SCLT1: variants seen among roughly 807,000 people sequenced by gnomAD.
SCLT1 encodes sodium channel-associated protein 1.
A neutral mutation model predicts 112.8 loss-of-function variants in SCLT1; 78 were observed. The ratio of observed to expected loss-of-function variants is 0.69; its 90% CI spans 0.58 to 0.83. The LOEUF (loss-of-function observed/expected upper bound fraction) is 0.83, where lower values mean the gene tolerates loss of function less well. SCLT1 is among the 40% of genes least tolerant of loss of function. The pLI, the probability that SCLT1 is intolerant of heterozygous loss-of-function variation, is 0.00. For missense variants in SCLT1, 747 were observed against 770.4 expected, an observed-to-expected ratio of 0.97 and a Z score of 0.36; for synonymous variants, 257 against 254.7, an observed-to-expected ratio of 1.01 and a Z score of -0.09.
intron 9 of SCLT1, among the ~76,000 whole-genome samples, chr4:128,981,231 C>G (rs1243029659): frequency 6.6e-6 from 1 of 152,182 alleles, no homozygotes; most frequent in Non-Finnish European, 1.5e-5. Flanking sequence ...TCCAAACTCT[C>G]TTTGTCCATT....
intron 18 of SCLT1, among the ~76,000 whole-genome samples, chr4:128,904,034 A>C (rs955348191): frequency 1.3e-5 from 2 of 152,168 alleles, no homozygotes; most frequent in Non-Finnish European, 2.9e-5. Flanking sequence ...CATACCTATC[A>C]GAGATGATTT....
At chr4:128,994,344 C>T (rs1484782025) in intron 8 of SCLT1, among the ~76,000 whole-genome samples, 3 of 152,096 alleles carry the variant, frequency 2.0e-5, no homozygotes, top group Non-Finnish European at 4.4e-5. Flanking sequence ...TCACATATTG[C>T]ATAATTTCCT....
chr4:129,061,749 T>G (rs1749996780), intron 2 of SCLT1, among the ~76,000 whole-genome samples: 1 of 152,058 alleles, frequency 6.6e-6, no homozygotes, highest in Non-Finnish European at 1.5e-5. Flanking sequence ...AGCTCAGTCT[T>G]GAGATGCTGA....
chr4:128,904,138 C>T (rs1734519000), intron 18 of SCLT1, among the ~76,000 whole-genome samples: 1 of 152,078 alleles, frequency 6.6e-6, no homozygotes, highest in Admixed American at 6.5e-5. Context: ...TGAAATAAAA[C>T]TGTACCCAAT....
intron 18 of SCLT1, among the ~76,000 whole-genome samples, chr4:128,900,671 A>G (rs1315478437): frequency 6.6e-6 from 1 of 152,260 alleles, no homozygotes; most frequent in Non-Finnish European, 1.5e-5. Context: ...GCCAAAATTG[A>G]CAAATGGGAT....
chr4:128,911,712 G>A (rs1042100676), intron 18 of SCLT1, among the ~76,000 whole-genome samples: 2 of 152,168 alleles, frequency 1.3e-5, no homozygotes, highest in African/African-American at 4.8e-5. Context: ...AGGTATAGAA[G>A]TTTCCACGGG....
intron 5 of SCLT1, 64 bp from the exon 6 acceptor site, chr4:129,003,940 A>G (rs1040684284): frequency 1.4e-6 from 2 of 1,456,008 alleles, no homozygotes; most frequent in East Asian, 4.6e-5. Context: ...TACTGTTTCG[A>G]GGTCAATTAA....
At chr4:128,876,283 T>G (rs1237742081) in intron 4 of SCLT1, among the ~76,000 whole-genome samples, 1 of 152,140 alleles carries the variant, frequency 6.6e-6, no homozygotes, top group Non-Finnish European at 1.5e-5. Flanking sequence ...AGTGACTATT[T>G]ACTTCCATAT....
chr4:129,055,501 T>C (rs1480314656), intron 2 of SCLT1, among the ~76,000 whole-genome samples: 1 of 152,188 alleles, frequency 6.6e-6, no homozygotes, highest in Non-Finnish European at 1.5e-5. Context: ...TAGAGAGGCA[T>C]TCTGGCCACA....
At chr4:128,936,620 T>C in intron 18 of SCLT1, 35 bp downstream of exon 18, 2 of 1,342,710 alleles carry the variant, frequency 1.5e-6, no homozygotes, top group African/African-American at 1.5e-5. Context: ...GAATTTCTTC[T>C]GTAAAACATG....
chr4:128,919,440 A>G (rs929980531), intron 18 of SCLT1, among the ~76,000 whole-genome samples: 3 of 152,162 alleles, frequency 2.0e-5, no homozygotes, highest in African/African-American at 7.2e-5. Flanking sequence ...GCAGAAGTTT[A>G]TAGTGCTAAA....
chr4:128,991,244 A>G (rs1301529486), intron 9 of SCLT1, among the ~76,000 whole-genome samples: 1 of 151,806 alleles, frequency 6.6e-6, no homozygotes, highest in Non-Finnish European at 1.5e-5. Context: ...GATGAACTGA[A>G]CAGAGAACCC....
intron 9 of SCLT1, among the ~76,000 whole-genome samples, chr4:128,984,930 ATT>A (rs34721201): frequency 0.088 from 13,320 of 152,128 alleles, 739 homozygotes; most frequent in South Asian, 0.15. Flanking sequence ...TAAAATATAT[ATT>A]GTTATTACAA....
intron 2 of SCLT1, among the ~76,000 whole-genome samples, chr4:129,067,896 G>C (rs1055790309): frequency 2.0e-5 from 3 of 151,652 alleles, no homozygotes; most frequent in Non-Finnish European, 4.4e-5. Context: ...TGGTTACATG[G>C]GTAAGTTCTT....
chr4:128,924,374 T>C (rs1736130159), intron 18 of SCLT1, among the ~76,000 whole-genome samples: 1 of 152,106 alleles, frequency 6.6e-6, no homozygotes, highest in Non-Finnish European at 1.5e-5. Context: ...GCTCAAGCAA[T>C]TCTCGCTCTT....
Position 128,999,707 on chromosome 4 carries a change from C to T in SCLT1, c.514G>A (p.Ala172Thr). The change falls in exon 7 of 21, where the codon GCC (alanine) becomes ACC (threonine). Residue 172 changes from alanine to threonine, a missense_variant. Physicochemically the swap from Ala to Thr is moderately conservative, Grantham distance 58 (BLOSUM62 0). Around this residue, in one of 2 missense-constraint regions of SCLT1, gnomAD observed 723 missense variants for 721.3 expected, o/e 1.00. Coordinates refer to ENST00000281142, the MANE Select transcript of SCLT1 (RefSeq NM_144643.4). ...HKLYQEHMTE[A>T]QIHVFESQKQ... ...TGACTTTCAAATACATGAATCTGGGCCTCAGTCATATGTTCCTGGTAAAGC... is the reference window on the plus strand; with the variant it reads ...TGACTTTCAAATACATGAATCTGGGTCTCAGTCATATGTTCCTGGTAAAGC... The T allele has an allele frequency of 6.2e-7, 1 of 1,607,442 alleles. No individual in the cohort carries two copies. The highest frequency in any genetic ancestry group is 8.5e-7 in the Non-Finnish European group (1 of 1,175,586).
At chr4:129,017,336 G>A (rs1351989983) in intron 5 of SCLT1, among the ~76,000 whole-genome samples, 1 of 152,026 alleles carries the variant, frequency 6.6e-6, no homozygotes, top group African/African-American at 2.4e-5. Flanking sequence ...AAATGTACAT[G>A]TACATAATCA....
intron 14 of SCLT1, among the ~76,000 whole-genome samples, chr4:128,950,025 A>T (rs928887959): frequency 3.9e-5 from 6 of 152,098 alleles, no homozygotes; most frequent in African/African-American, 1.4e-4. Flanking sequence ...GATAATGAAG[A>T]TCTTTAAACC....
intron 5 of SCLT1, among the ~76,000 whole-genome samples, chr4:129,023,945 C>A (rs1745748521): frequency 6.6e-6 from 1 of 152,212 alleles, no homozygotes; most frequent in Non-Finnish European, 1.5e-5. Flanking sequence ...GCTAGCACAG[C>A]AGTATTGAGA....
Sources: allele counts gnomAD v4.1 joint callset (sites outside exome capture counted in the v4.1 genomes callset), GRCh38; gene constraint gnomAD v4.1.1; regional missense constraint gnomAD v4.1.1; transcripts MANE v1.5; gene names NCBI Gene and HGNC (gene_info 2026-07-23, HGNC 2026-07-21).